The following MCPH1 variants were observed in gnomAD, a reference collection of about 807,000 sequenced individuals.
MCPH1 encodes the protein microcephalin 1.
MCPH1 carries 104 observed loss-of-function variants against 84.5 expected under a neutral mutation model. The observed-to-expected ratio is 1.23, with a 90% CI of 1.05 to 1.45. MCPH1 has a LOEUF of 1.45. Among genes scored for constraint, MCPH1 ranks in the 40% most tolerant of loss-of-function variants. The pLI is 0.00. For synonymous variants in MCPH1, 514 were observed against 366.8 expected (o/e 1.40, Z -4.58); for missense variants, 1,498 against 1,005.7 (o/e 1.49, Z -6.62).
At chr8:6,526,507 T>C (rs938786860) in intron 12 of MCPH1, among the ~76,000 whole-genome samples, 1 of 152,222 alleles carries the variant, frequency 6.6e-6, no homozygotes, top group Admixed American at 6.5e-5. Context: ...CAAATGTTCA[T>C]TTACTGTTTG....
At chr8:6,521,170 A>G (rs963496) in intron 12 of MCPH1, 94,220 of 1,607,182 alleles carry the variant, frequency 0.059, 3,064 homozygotes, top group African/African-American at 0.12. Context: ...CATGATATGT[A>G]AACTTACAGT....
intron 12 of MCPH1, among the ~76,000 whole-genome samples, chr8:6,557,476 T>C (rs1824824516): frequency 6.6e-6 from 1 of 152,136 alleles, no homozygotes; most frequent in African/African-American, 2.4e-5. Flanking sequence ...TATATCAGAA[T>C]AATTCTAGAA....
Position 6,625,620 on chromosome 8 carries a change from T to C in MCPH1, c.2452+3929T>C, listed in dbSNP as rs536614751. 5 of 985,336 alleles carry C rather than the reference T, an allele frequency of 5.1e-6. No individual in the cohort carries two copies. The African/African-American group carries it at 8.7e-5, about 17-fold the overall frequency. 61.0% of individuals were successfully genotyped at this position (985,336 alleles called of 1,614,324 possible). ...CTGGAATATCAACTGCTTTGTAAGG[T>C]AGGGTCCCTGAGCGTCTTAGAGTAA... On this transcript the variant is annotated intron_variant, in intron 13 of 13. Transcript: ENST00000344683.
At position 6,621,839 on chromosome 8, in the gene MCPH1, C is replaced by T. The variant is rs890223; in HGVS notation, c.2452+148C>T. 15 of 1,048,626 alleles carry T rather than the reference C, an allele frequency of 1.4e-5. 1 individual carries two copies. Among genetic ancestry groups the T allele is most frequent in the Middle Eastern group, 2.5e-4 (1 of 4,030 alleles). 65.0% of individuals were successfully genotyped at this position (1,048,626 alleles called of 1,614,324 possible). On this transcript the variant is annotated intron_variant, in intron 13 of 13. Transcript: ENST00000344683. ...CCTCCAGCATCTGCCCTGGCAGCGT[C>T]GTGTGGTCACCCTCGGCATTCCCGC...
At chr8:6,634,197 C>T (rs529978818) in intron 13 of MCPH1, among the ~76,000 whole-genome samples, 4 of 152,278 alleles carry the variant, frequency 2.6e-5, no homozygotes, top group South Asian at 2.1e-4. Context: ...ATGAAACAAG[C>T]GAAGATCTAT....
chr8:6,408,347 C>T (rs1798035372), intron 1 of MCPH1, among the ~76,000 whole-genome samples: 1 of 151,954 alleles, frequency 6.6e-6, no homozygotes, highest in African/African-American at 2.4e-5. Context: ...CTTGGGACTA[C>T]AGGCACTACC....
At chr8:6,504,550 TTAA>T (rs759262139) in intron 12 of MCPH1, among the ~76,000 whole-genome samples, 1 of 152,080 alleles carries the variant, frequency 6.6e-6, no homozygotes, top group Non-Finnish European at 1.5e-5. Context: ...CTTATTTGAC[TTAA>T]TAATGGCCCC....
At chr8:6,475,551 C>G (rs1305957109) in intron 9 of MCPH1, among the ~76,000 whole-genome samples, 1 of 152,146 alleles carries the variant, frequency 6.6e-6, no homozygotes, top group Non-Finnish European at 1.5e-5. Context: ...TTCAGCACAC[C>G]AACACGATAG....
chr8:6,532,585 A>T, intron 12 of MCPH1: 1 of 891,478 alleles, frequency 1.1e-6, no homozygotes, highest in South Asian at 3.1e-5. Context: ...AAAAAAAAAA[A>T]AAAAAAATCT....
chr8:6,603,054 T>C (rs1215200181), intron 12 of MCPH1, among the ~76,000 whole-genome samples: 2 of 152,002 alleles, frequency 1.3e-5, no homozygotes, highest in Non-Finnish European at 1.5e-5. Context: ...GCTTGCACTT[T>C]TTGCCATTCT....
At chr8:6,418,748 A>C (rs1256351045) in intron 3 of MCPH1, among the ~76,000 whole-genome samples, 1 of 151,602 alleles carries the variant, frequency 6.6e-6, no homozygotes, top group African/African-American at 2.4e-5. Context: ...CGCCCAGCTA[A>C]TTTTTGTATT....
At chr8:6,570,227 C>T (rs1036688998) in intron 12 of MCPH1, among the ~76,000 whole-genome samples, 9 of 152,152 alleles carry the variant, frequency 5.9e-5, no homozygotes, top group African/African-American at 2.2e-4. Flanking sequence ...AGCACAATTT[C>T]CTGTTCTAGT....
intron 12 of MCPH1, chr8:6,620,933 T>C (rs910841152): frequency 1.2e-5 from 2 of 171,476 alleles, no homozygotes; most frequent in African/African-American, 4.8e-5. Flanking sequence ...TACTTTTGCA[T>C]TGCCTCACTC....
chr8:6,519,450 G>A (rs1035328602), intron 12 of MCPH1, among the ~76,000 whole-genome samples: 2 of 152,162 alleles, frequency 1.3e-5, no homozygotes, highest in African/African-American at 4.8e-5. Context: ...AAATGACTTT[G>A]ACACAGCAGT....
At chr8:6,407,158 T>C (rs1309177500) in intron 1 of MCPH1, 2 of 225,340 alleles carry the variant, frequency 8.9e-6, no homozygotes, top group Non-Finnish European at 8.9e-6. Flanking sequence ...CGGAAGTTGG[T>C]GTGGGGCCCT....
intron 12 of MCPH1, among the ~76,000 whole-genome samples, chr8:6,561,781 GA>G (rs939120735): frequency 7.9e-5 from 12 of 151,984 alleles, no homozygotes; most frequent in African/African-American, 2.7e-4. Context: ...GTTTACATGT[GA>G]AAAAAAATTA....
chr8:6,416,293 GTCA>G (rs1799289390), intron 3 of MCPH1, among the ~76,000 whole-genome samples: 1 of 151,596 alleles, frequency 6.6e-6, no homozygotes, highest in African/African-American at 2.4e-5. Context: ...GTCATGTCAT[GTCA>G]TGTCATGTCA....
chr8:6,626,941 A>G (rs973141954), intron 13 of MCPH1: 8 of 984,786 alleles, frequency 8.1e-6, no homozygotes, highest in Admixed American at 6.2e-5. Flanking sequence ...ACATACATTT[A>G]TGCTATTGTG....
intron 3 of MCPH1, among the ~76,000 whole-genome samples, chr8:6,423,454 T>C (rs531276404): frequency 1.5e-3 from 225 of 152,268 alleles, no homozygotes; most frequent in African/African-American, 5.1e-3. Context: ...CATGAGCCCC[T>C]GCGCCCGGCC....
Sources: allele counts gnomAD v4.1 joint callset (sites outside exome capture counted in the v4.1 genomes callset), GRCh38; gene constraint gnomAD v4.1.1; transcripts MANE v1.5; gene names NCBI Gene and HGNC (gene_info 2026-07-23, HGNC 2026-07-21).